EHBP1: variants seen among roughly 807,000 people sequenced by gnomAD.
The protein encoded by EHBP1 is EH domain-binding protein 1.
A neutral mutation model predicts 144.0 loss-of-function variants in EHBP1; 55 were observed. The observed-to-expected ratio is 0.38, with a 90% CI of 0.31 to 0.48. The LOEUF is 0.48. Among genes scored for constraint, EHBP1 ranks in the 20% least tolerant of loss-of-function variants. The pLI, the probability that EHBP1 is intolerant of heterozygous loss-of-function variation, is 0.98. For missense variants in EHBP1, 1,200 were observed against 1,364.2 expected, an observed-to-expected ratio of 0.88 and a Z score of 1.90; for synonymous variants, 469 against 472.7, an observed-to-expected ratio of 0.99 and a Z score of 0.10.
chr2:62,723,726 T>C (rs1455245802), intron 2 of EHBP1, among the ~76,000 whole-genome samples: 3 of 152,212 alleles, frequency 2.0e-5, no homozygotes, highest in Admixed American at 2.0e-4. Flanking sequence ...TTATTTCTCC[T>C]TCGCTTATGA....
intron 2 of EHBP1, among the ~76,000 whole-genome samples, chr2:62,740,561 T>A (rs1359892476): frequency 1.3e-5 from 2 of 152,230 alleles, no homozygotes; most frequent in Admixed American, 1.3e-4. Context: ...CACAGCATCC[T>A]ACCATGAAAT....
intron 19 of EHBP1, among the ~76,000 whole-genome samples, chr2:63,029,699 C>A (rs776461899): frequency 1.3e-5 from 2 of 152,028 alleles, no homozygotes; most frequent in Non-Finnish European, 2.9e-5. Context: ...GATCAAGGGG[C>A]TCAATTTTTT....
intron 10 of EHBP1, among the ~76,000 whole-genome samples, chr2:62,902,094 T>C (rs1258523097): frequency 1.3e-5 from 2 of 152,138 alleles, no homozygotes; most frequent in Non-Finnish European, 1.5e-5. Context: ...ATAAATCAAG[T>C]ATTTCTGAGA....
intron 14 of EHBP1, among the ~76,000 whole-genome samples, chr2:62,970,826 G>C (rs1423043642): frequency 6.6e-6 from 1 of 152,160 alleles, no homozygotes; most frequent in Non-Finnish European, 1.5e-5. Context: ...GCAAAAGTCT[G>C]CTAGGGGGTT....
intron 7 of EHBP1, among the ~76,000 whole-genome samples, chr2:62,840,946 T>A (rs1402575778): frequency 6.6e-6 from 1 of 152,120 alleles, no homozygotes; most frequent in Non-Finnish European, 1.5e-5. Context: ...TCCTCAGGGA[T>A]CTAGAACTAG....
intron 5 of EHBP1, among the ~76,000 whole-genome samples, chr2:62,776,138 AT>A (rs2042038549): frequency 6.6e-6 from 1 of 152,152 alleles, no homozygotes; most frequent in African/African-American, 2.4e-5. Flanking sequence ...AATTCTTAAT[AT>A]TTTTTCTCAA....
intron 19 of EHBP1, among the ~76,000 whole-genome samples, chr2:62,999,516 C>T (rs1325459618): frequency 6.6e-6 from 1 of 152,128 alleles, no homozygotes; most frequent in Non-Finnish European, 1.5e-5. Flanking sequence ...CCCTGGGAAT[C>T]TTTAATCTAC....
intron 10 of EHBP1, among the ~76,000 whole-genome samples, chr2:62,891,517 T>G (rs2052459208): frequency 6.6e-6 from 1 of 152,182 alleles, no homozygotes; most frequent in African/African-American, 2.4e-5. Flanking sequence ...TTAATATTCC[T>G]TTTACTGTCT....
intron 3 of EHBP1, among the ~76,000 whole-genome samples, chr2:62,752,868 A>G (rs1056409934): frequency 6.6e-6 from 1 of 151,988 alleles, no homozygotes; most frequent in African/African-American, 2.4e-5. Context: ...ATCTTCCTCC[A>G]TCCCTTTATT....
At chr2:62,685,987 AT>A (rs2151737685) in intron 1 of EHBP1, among the ~76,000 whole-genome samples, 1 of 152,184 alleles carries the variant, frequency 6.6e-6, no homozygotes, top group African/African-American at 2.4e-5. Context: ...AGAGAAAACC[AT>A]TTGTCACTTT....
intron 3 of EHBP1, among the ~76,000 whole-genome samples, chr2:62,754,970 T>C (rs2040136245): frequency 6.6e-6 from 1 of 152,170 alleles, no homozygotes; most frequent in South Asian, 2.1e-4. Flanking sequence ...CTTCGGCTCA[T>C]GCTCGATGGG....
chr2:62,834,196 G>A (rs1243224197), intron 7 of EHBP1, among the ~76,000 whole-genome samples: 3 of 152,204 alleles, frequency 2.0e-5, no homozygotes, highest in Non-Finnish European at 4.4e-5. Context: ...TGACAACAAA[G>A]GATTTAGAAT....
chr2:62,726,925 C>T (rs533100736), intron 2 of EHBP1, among the ~76,000 whole-genome samples: 10 of 151,760 alleles, frequency 6.6e-5, no homozygotes, highest in African/African-American at 2.4e-4. Context: ...TGCAGTGGTG[C>T]GATCTCGGCT....
chr2:62,728,203 G>C (rs1159876794), intron 2 of EHBP1, among the ~76,000 whole-genome samples: 3 of 151,170 alleles, frequency 2.0e-5, no homozygotes, highest in Non-Finnish European at 4.4e-5. Flanking sequence ...TTAAGTAAAA[G>C]GCATGGTTTA....
chr2:62,958,753 A>G (rs910755961), intron 14 of EHBP1, among the ~76,000 whole-genome samples: 1 of 152,220 alleles, frequency 6.6e-6, no homozygotes, highest in Non-Finnish European at 1.5e-5. Flanking sequence ...AAAAATACGT[A>G]GTATGCTAAG....
intron 10 of EHBP1, chr2:62,881,809 A>AT (rs1180267824): frequency 6.6e-6 from 1 of 152,106 alleles, no homozygotes. Flanking sequence ...GTCTTAGCAA[A>AT]TTTTTTTAGG....
At chr2:62,958,606 A>T (rs2057838768) in intron 14 of EHBP1, among the ~76,000 whole-genome samples, 1 of 152,222 alleles carries the variant, frequency 6.6e-6, no homozygotes, top group Non-Finnish European at 1.5e-5. Context: ...TTATAGCTTT[A>T]TTGTGTCTGA....
intron 2 of EHBP1, among the ~76,000 whole-genome samples, chr2:62,719,834 G>A (rs1341404903): frequency 1.3e-5 from 2 of 152,198 alleles, no homozygotes; most frequent in Non-Finnish European, 2.9e-5. Context: ...AGGGACTTGA[G>A]CATCCTCAGA....
intron 10 of EHBP1, among the ~76,000 whole-genome samples, chr2:62,919,825 T>G (rs1016667507): frequency 1.8e-4 from 27 of 152,006 alleles, no homozygotes; most frequent in African/African-American, 6.5e-4. Flanking sequence ...GAAAAAACTT[T>G]AAAAGAAATG....
Sources: allele counts gnomAD v4.1 joint callset (sites outside exome capture counted in the v4.1 genomes callset), GRCh38; gene constraint gnomAD v4.1.1; transcripts MANE v1.5; gene names NCBI Gene and HGNC (gene_info 2026-07-23, HGNC 2026-07-21).